SAMD4A: variants seen among roughly 807,000 people sequenced by gnomAD.
The protein encoded by SAMD4A is protein Smaug homolog 1.
In SAMD4A, 33 loss-of-function variants were observed where a neutral mutation model predicts 81.3. That is an observed-to-expected ratio of 0.41 (90% CI 0.31 to 0.54). The LOEUF (loss-of-function observed/expected upper bound fraction) is 0.54, where lower values mean the gene tolerates loss of function less well. SAMD4A is among the 20% of genes least tolerant of loss of function. SAMD4A has a pLI of 0.37. For missense variants in SAMD4A, 854 were observed against 951.1 expected, an observed-to-expected ratio of 0.90 and a Z score of 1.34; for synonymous variants, 389 against 382.1, an observed-to-expected ratio of 1.02 and a Z score of -0.21.
intron 2 of SAMD4A, among the ~76,000 whole-genome samples, chr14:54,617,305 T>C (rs1271362272): frequency 6.6e-6 from 1 of 152,206 alleles, no homozygotes; most frequent in Non-Finnish European, 1.5e-5. Context: ...AAAGTAAATA[T>C]AACTGTGCAT....
chr14:54,640,623 G>A (rs551139923), intron 2 of SAMD4A, among the ~76,000 whole-genome samples: 6 of 152,126 alleles, frequency 3.9e-5, no homozygotes, highest in Non-Finnish European at 7.4e-5. Flanking sequence ...GCTTCTTCCT[G>A]TCACTGCTCA....
intron 3 of SAMD4A, among the ~76,000 whole-genome samples, chr14:54,716,022 T>C (rs1192521494): frequency 6.6e-6 from 1 of 152,178 alleles, no homozygotes; most frequent in Non-Finnish European, 1.5e-5. Context: ...TTGAAAGCCA[T>C]TCTTGCTTGA....
intron 2 of SAMD4A, among the ~76,000 whole-genome samples, chr14:54,598,128 CATAG>C (rs1238707050): frequency 1.3e-5 from 2 of 152,156 alleles, no homozygotes; most frequent in African/African-American, 4.8e-5. Context: ...GAAGGTTTTA[CATAG>C]ATAAATAATG....
chr14:54,660,204 A>T (rs2035610098), intron 2 of SAMD4A, among the ~76,000 whole-genome samples: 1 of 152,188 alleles, frequency 6.6e-6, no homozygotes, highest in Non-Finnish European at 1.5e-5. Flanking sequence ...GTTGTTCACA[A>T]CTTGCCTTAT....
chr14:54,704,361 C>T (rs1566594745), intron 3 of SAMD4A, among the ~76,000 whole-genome samples: 1 of 152,066 alleles, frequency 6.6e-6, no homozygotes, highest in Admixed American at 6.6e-5. Context: ...AGCTGCCTGC[C>T]CTCTTAAAAC....
chr14:54,633,568 T>G lies in SAMD4A; in HGVS notation c.196+65456T>G, dbSNP rs139543644. 9.3e-4 allele frequency among the ~76,000 whole-genome samples: 140 copies of G among 151,226 alleles called. 1 individual carries two copies. The highest frequency in any genetic ancestry group is 3.2e-3 in the African/African-American group (131 of 41,182). ...CATGCCAGTCAGCCATGTCAGAGAG[T>G]GGGGTGCCTGGTGCCTAGGGGGTAG... On this transcript the variant is annotated intron_variant, in intron 2 of 12. Transcript: ENST00000554335.
chr14:54,767,018 G>A (rs1014416118), intron 8 of SAMD4A, among the ~76,000 whole-genome samples: 1 of 152,190 alleles, frequency 6.6e-6, no homozygotes, highest in African/African-American at 2.4e-5. Context: ...GTGGCTGGGG[G>A]CCCCGGTCAG....
In SAMD4A at chr14:54,792,273, T is replaced by C. The variant is rs1594952071; in HGVS notation, c.*3329T>C. 1 of 152,192 alleles carries C rather than the reference T, an allele frequency of 6.6e-6. No individual in the cohort carries two copies. Among genetic ancestry groups the C allele is most frequent in the Non-Finnish European group, 1.5e-5 (1 of 68,048 alleles). 9.4% of individuals were successfully genotyped at this position (152,192 alleles called of 1,614,324 possible). ...GCTCTCAAATCCTGTGTATTGAGGG[T>C]TCCTTTTTGGTACTCAGGATTGGAG... On this transcript the variant is annotated 3_prime_UTR_variant, in exon 13 of 13. Coordinates refer to ENST00000554335, the MANE Select transcript of SAMD4A (RefSeq NM_015589.6).
intron 2 of SAMD4A, among the ~76,000 whole-genome samples, chr14:54,626,240 T>C (rs930842888): frequency 6.6e-6 from 1 of 152,180 alleles, no homozygotes. Context: ...ATGTTAGACT[T>C]TATCTCTTCT....
At chr14:54,730,304 T>C (rs1363933005) in intron 3 of SAMD4A, among the ~76,000 whole-genome samples, 1 of 152,146 alleles carries the variant, frequency 6.6e-6, no homozygotes. Context: ...AAGTTAGCTG[T>C]GTGTATTTGT....
At chr14:54,566,012 G>T (rs1285594602), upstream of SAMD4A, among the ~76,000 whole-genome samples, 1 of 152,000 alleles carries the variant, frequency 6.6e-6, no homozygotes, top group Non-Finnish European at 1.5e-5. Context: ...CCGCCGCCCG[G>T]GTTCCTCTCC....
At chr14:54,688,440 A>C in intron 2 of SAMD4A, 1 of 884,484 alleles carries the variant, frequency 1.1e-6, no homozygotes, top group Non-Finnish European at 1.4e-6. Context: ...GATGCTTTAA[A>C]ACTGAAATTC....
At chr14:54,570,460 A>G (rs1410574183) in intron 2 of SAMD4A, among the ~76,000 whole-genome samples, 2 of 152,222 alleles carry the variant, frequency 1.3e-5, no homozygotes, top group Non-Finnish European at 2.9e-5. Context: ...AAAAAATTTG[A>G]CAAATAATCC....
Position 54,781,429 on chromosome 14 carries a change from T to G in SAMD4A, c.2045-3108T>G, listed in dbSNP as rs192599322. On this transcript the variant is annotated intron_variant, in intron 11 of 12. Coordinates refer to ENST00000554335, the MANE Select transcript of SAMD4A (RefSeq NM_015589.6). ...ACCCTGGGCCTGAGCACAGGACTAC[T>G]CCATACGTGTGGGACTTCTGAAAAG... 2.0e-5 allele frequency among the ~76,000 whole-genome samples: 3 copies of G among 152,324 alleles called. No individual in the cohort carries two copies. In the East Asian group the frequency reaches 5.8e-4, roughly 29 times the overall value.
chr14:54,609,208 G>A (rs1411950068), intron 2 of SAMD4A, among the ~76,000 whole-genome samples: 1 of 152,210 alleles, frequency 6.6e-6, no homozygotes, highest in African/African-American at 2.4e-5. Flanking sequence ...ATAAGTGGAA[G>A]TTGGAGGAGG....
intron 4 of SAMD4A, among the ~76,000 whole-genome samples, chr14:54,742,239 G>A (rs2037862026): frequency 6.6e-6 from 1 of 152,128 alleles, no homozygotes; most frequent in Non-Finnish European, 1.5e-5. Flanking sequence ...AGACAGTGAT[G>A]GAGCAGGAGA....
chr14:54,586,212 G>C lies in SAMD4A; in HGVS notation c.196+18100G>C, dbSNP rs372071790. 3.9e-5 allele frequency among the ~76,000 whole-genome samples: 6 copies of C among 152,122 alleles called. No individual in the cohort carries two copies. In the East Asian group the frequency reaches 5.8e-4, roughly 15 times the overall value. On this transcript the variant is annotated intron_variant, in intron 2 of 12. Coordinates refer to ENST00000554335, the MANE Select transcript of SAMD4A (RefSeq NM_015589.6). ...ATGTTGAGCATTTTTCCATATGCTT[G>C]TTGGCCATTTGTATATCTTCTTTTG... is the stretch of plus-strand genomic sequence containing the variant.
chr14:54,769,375 A>G (rs1207678875), intron 8 of SAMD4A, among the ~76,000 whole-genome samples: 2 of 152,226 alleles, frequency 1.3e-5, no homozygotes. Flanking sequence ...TAACCCACAT[A>G]AAGTCCTTTC....
chr14:54,580,844 G>A (rs546642152), intron 2 of SAMD4A, among the ~76,000 whole-genome samples: 8 of 152,296 alleles, frequency 5.3e-5, no homozygotes, highest in Admixed American at 3.3e-4. Flanking sequence ...GAACGTTTTC[G>A]TTGAAAGAGC....
Sources: gnomAD v4.1 joint callset for allele counts (sites outside exome capture counted in the v4.1 genomes callset) on GRCh38, gnomAD v4.1.1 for gene constraint, MANE v1.5 for transcripts, NCBI Gene and HGNC (gene_info 2026-07-23, HGNC 2026-07-21) for gene names.